Variants in CCDC85A observed in about 807,000 individuals in gnomAD.
CCDC85A encodes the protein coiled-coil domain containing 85A, also known as coiled-coil domain-containing protein 85A.
A neutral mutation model predicts 50.2 loss-of-function variants in CCDC85A; 38 were observed. The ratio of observed to expected loss-of-function variants is 0.76; its 90% CI spans 0.58 to 0.99. The LOEUF is 0.99. CCDC85A is among the 50% of genes least tolerant of loss of function. CCDC85A has a pLI of 0.00. For synonymous variants in CCDC85A, 366 were observed against 301.4 expected, an observed-to-expected ratio of 1.21 and a Z score of -2.22; for missense variants, 820 against 742.0, an observed-to-expected ratio of 1.11 and a Z score of -1.22.
intron 2 of CCDC85A, among the ~76,000 whole-genome samples, chr2:56,335,555 A>G (rs1674029981): frequency 6.6e-6 from 1 of 152,040 alleles, no homozygotes; most frequent in South Asian, 2.1e-4. Context: ...CCTTCTTGGT[A>G]CATCATGTCA....
Position 56,232,799 on chromosome 2 carries a change from G to C in CCDC85A, c.1240+39359G>C, listed in dbSNP as rs148257042. 8.7e-3 allele frequency among the ~76,000 whole-genome samples: 1,326 copies of C among 152,166 alleles called. 16 individuals are homozygous for C. The highest frequency in any genetic ancestry group is 9.2e-3 in the Non-Finnish European group (626 of 68,026). ...CTTTATTATAACTACCCTGGTCCAA[G>C]ACATCACCATTGTTCTTGCCTGCAC... is the stretch of plus-strand genomic sequence containing the variant. On this transcript the variant is annotated intron_variant, in intron 2 of 5. Coordinates refer to ENST00000407595, the MANE Select transcript of CCDC85A (RefSeq NM_001080433.2).
intron 2 of CCDC85A, among the ~76,000 whole-genome samples, chr2:56,327,968 A>G (rs1673562977): frequency 6.6e-6 from 1 of 152,136 alleles, no homozygotes; most frequent in Non-Finnish European, 1.5e-5. Flanking sequence ...TGATTTTCAC[A>G]ACAATCTAAT....
intron 2 of CCDC85A, among the ~76,000 whole-genome samples, chr2:56,215,948 A>T (rs972786391): frequency 1.1e-4 from 17 of 151,932 alleles, no homozygotes; most frequent in African/African-American, 4.1e-4. Flanking sequence ...ATTGTCCATA[A>T]ATAAAGTGTA....
intron 2 of CCDC85A, among the ~76,000 whole-genome samples, chr2:56,261,372 G>A (rs1670211911): frequency 6.6e-6 from 1 of 152,176 alleles, no homozygotes; most frequent in East Asian, 1.9e-4. Context: ...TACATCCAAA[G>A]TGACTCTGGC....
intron 2 of CCDC85A, among the ~76,000 whole-genome samples, chr2:56,314,670 A>T (rs1279937700): frequency 1.3e-5 from 2 of 152,130 alleles, no homozygotes; most frequent in Non-Finnish European, 2.9e-5. Flanking sequence ...CTGGAATTGG[A>T]AGGGATATAG....
intron 2 of CCDC85A, among the ~76,000 whole-genome samples, chr2:56,198,404 G>C (rs867821328): frequency 6.6e-6 from 1 of 152,318 alleles, no homozygotes; most frequent in East Asian, 1.9e-4. Flanking sequence ...TGAACTGACA[G>C]ATGGTTAAAG....
At chr2:56,356,290 C>T (rs533603881) in intron 3 of CCDC85A, among the ~76,000 whole-genome samples, 1 of 152,300 alleles carries the variant, frequency 6.6e-6, no homozygotes, top group East Asian at 1.9e-4. Context: ...GCAAAGGGGC[C>T]TTTATCAACT....
At chr2:56,212,777 G>A (rs1677230949) in intron 2 of CCDC85A, among the ~76,000 whole-genome samples, 1 of 151,898 alleles carries the variant, frequency 6.6e-6, no homozygotes, top group Non-Finnish European at 1.5e-5. Context: ...AGAGAGACAT[G>A]AGCTTTGGAG....
intron 2 of CCDC85A, among the ~76,000 whole-genome samples, chr2:56,324,972 A>G (rs1673394363): frequency 6.6e-6 from 1 of 151,978 alleles, no homozygotes; most frequent in Admixed American, 6.6e-5. Context: ...AGTTTCCTCT[A>G]AACAGTTGAA....
At chr2:56,267,406 C>G (rs1670499651) in intron 2 of CCDC85A, among the ~76,000 whole-genome samples, 1 of 152,170 alleles carries the variant, frequency 6.6e-6, no homozygotes, top group Non-Finnish European at 1.5e-5. Flanking sequence ...TTCAAGTGCT[C>G]ATTACCTTTT....
At chr2:56,377,738 T>A (rs1006465290) in intron 5 of CCDC85A, among the ~76,000 whole-genome samples, 1 of 151,896 alleles carries the variant, frequency 6.6e-6, no homozygotes, top group Non-Finnish European at 1.5e-5. Flanking sequence ...AATACAAAAA[T>A]TCAGCAGGGT....
intron 2 of CCDC85A, among the ~76,000 whole-genome samples, chr2:56,230,806 C>T (rs947272653): frequency 5.3e-5 from 8 of 152,202 alleles, no homozygotes; most frequent in African/African-American, 7.2e-5. Flanking sequence ...GTCTGTCTTT[C>T]GTCTCTTGAC....
Position 56,384,348 on chromosome 2 carries a change from C to G in CCDC85A, c.1655C>G (p.Pro552Arg). The change falls in exon 6 of 6, where the codon CCA (proline) becomes CGA (arginine). Residue 552 changes from proline (P) to arginine (R), a missense_variant. Pro to Arg is a moderately radical substitution (Grantham distance 103). Coordinates refer to ENST00000407595, the MANE Select transcript of CCDC85A (RefSeq NM_001080433.2). Reference protein sequence around the residue: ...QHLSGNQYKGPM With the variant: ...QHLSGNQYKGRM ...TTGTCAGGAAACCAGTACAAAGGAC[C>G]AATGTGAGATGCACTCTTTTTCAAA... The G allele has an allele frequency of 6.2e-7, 1 of 1,610,162 alleles. No individual in the cohort carries two copies. Among genetic ancestry groups the G allele is most frequent in the South Asian group, 1.1e-5 (1 of 90,964 alleles).
chr2:56,353,182 C>T (rs1053265704), intron 3 of CCDC85A, among the ~76,000 whole-genome samples: 9 of 152,146 alleles, frequency 5.9e-5, no homozygotes, highest in African/African-American at 2.2e-4. Context: ...AACATACAGT[C>T]ATGGACATGT....
chr2:56,326,730 C>T (rs12616518), intron 2 of CCDC85A, among the ~76,000 whole-genome samples: 16,478 of 152,160 alleles, frequency 0.11, 1,098 homozygotes, highest in Non-Finnish European at 0.15. Context: ...AAAATGCTTA[C>T]AGTATGTCAT....
intron 2 of CCDC85A, among the ~76,000 whole-genome samples, chr2:56,285,897 G>A (rs1329011612): frequency 1.3e-5 from 2 of 151,902 alleles, no homozygotes; most frequent in Non-Finnish European, 2.9e-5. Flanking sequence ...TGTAGTACAG[G>A]TCTGTTGGAT....
rs554063974 is a variant in CCDC85A at position 56,240,702 on chromosome 2, G to A, written c.1240+47262G>A. Among the ~76,000 whole-genome samples, 10 of 152,218 alleles carry A rather than the reference G, an allele frequency of 6.6e-5. No individual in the cohort carries two copies. In the East Asian group the frequency reaches 1.7e-3, roughly 26 times the overall value. ...GCATACTTAGCATGATGTTTTTAAG[G>A]TTCACTGATGTCGCTGTCAGTATTT... On this transcript the variant is annotated intron_variant, in intron 2 of 5. Transcript: ENST00000407595.
intron 5 of CCDC85A, among the ~76,000 whole-genome samples, chr2:56,378,870 G>A (rs1676458821): frequency 2.0e-5 from 3 of 152,122 alleles, no homozygotes; most frequent in African/African-American, 7.2e-5. Flanking sequence ...GATTCTATAG[G>A]AACTTCTAGG....
intron 2 of CCDC85A, among the ~76,000 whole-genome samples, chr2:56,259,066 C>T (rs1054661909): frequency 3.3e-4 from 51 of 152,240 alleles, no homozygotes; most frequent in Non-Finnish European, 7.4e-5. Context: ...GTTATAATGA[C>T]CTAGGTTATG....
Sources: allele counts gnomAD v4.1 joint callset (sites outside exome capture counted in the v4.1 genomes callset), GRCh38; gene constraint gnomAD v4.1.1; transcripts MANE v1.5; gene names NCBI Gene and HGNC (gene_info 2026-07-23, HGNC 2026-07-21).